CPA6: variants seen among roughly 807,000 people sequenced by gnomAD.
CPA6 encodes carboxypeptidase A6.
A neutral mutation model predicts 63.3 loss-of-function variants in CPA6; 58 were observed. The observed-to-expected ratio is 0.92, with a 90% CI of 0.74 to 1.14. CPA6 has a LOEUF of 1.14. Among genes scored for constraint, CPA6 ranks in the 50% most tolerant of loss-of-function variants. CPA6 has a pLI of 0.00. For missense variants in CPA6, 565 were observed against 526.6 expected (o/e 1.07, Z -0.71); for synonymous variants, 185 against 179.0 (o/e 1.03, Z -0.27).
intron 1 of CPA6, among the ~76,000 whole-genome samples, chr8:67,732,036 C>T (rs1817714976): frequency 6.6e-6 from 1 of 152,046 alleles, no homozygotes; most frequent in African/African-American, 2.4e-5. Context: ...CATTCTAGGC[C>T]AGCCAGGAAA....
intron 2 of CPA6, among the ~76,000 whole-genome samples, chr8:67,608,286 A>G (rs1265956056): frequency 6.6e-6 from 1 of 152,112 alleles, no homozygotes; most frequent in Non-Finnish European, 1.5e-5. Context: ...ATGTCCCCCT[A>G]TCCTGTGTCC....
intron 8 of CPA6, among the ~76,000 whole-genome samples, chr8:67,465,818 T>C (rs866851589): frequency 4.6e-5 from 7 of 152,328 alleles, no homozygotes; most frequent in South Asian, 2.1e-4. Context: ...TTGATGATGA[T>C]GAATTAACTT....
intron 1 of CPA6, among the ~76,000 whole-genome samples, chr8:67,640,498 C>T (rs532917580): frequency 4.6e-5 from 7 of 151,462 alleles, no homozygotes; most frequent in African/African-American, 1.7e-4. Flanking sequence ...CAAGAACTAA[C>T]AGTGGCGAGA....
intron 1 of CPA6, among the ~76,000 whole-genome samples, chr8:67,670,049 T>C (rs1249847011): frequency 1.3e-5 from 2 of 152,212 alleles, no homozygotes; most frequent in South Asian, 4.1e-4. Flanking sequence ...CTATATAGAA[T>C]AGCACTCCTT....
intron 1 of CPA6, among the ~76,000 whole-genome samples, chr8:67,691,854 G>T (rs913184661): frequency 6.6e-6 from 1 of 151,892 alleles, no homozygotes; most frequent in Non-Finnish European, 1.5e-5. Context: ...GCTTGGAAGT[G>T]TTATTTGTTT....
At chr8:67,422,733 G>A in intron 10 of CPA6, 42 bp from the exon 11 acceptor site, 2 of 1,490,950 alleles carry the variant, frequency 1.3e-6, no homozygotes, top group Non-Finnish European at 9.1e-7. Context: ...CCTCACTAAA[G>A]AGTCAGTATA....
At chr8:67,670,500 T>C (rs1272529004) in intron 1 of CPA6, among the ~76,000 whole-genome samples, 2 of 152,176 alleles carry the variant, frequency 1.3e-5, no homozygotes, top group Non-Finnish European at 2.9e-5. Flanking sequence ...GCAGCATGGT[T>C]AGGTAATACT....
intron 8 of CPA6, among the ~76,000 whole-genome samples, chr8:67,468,178 G>A (rs528734754): frequency 1.3e-5 from 2 of 152,232 alleles, no homozygotes; most frequent in African/African-American, 4.8e-5. Flanking sequence ...TGTTAGTTAA[G>A]AACACCTTTG....
intron 2 of CPA6, among the ~76,000 whole-genome samples, chr8:67,587,864 T>C (rs1813988995): frequency 6.6e-6 from 1 of 152,174 alleles, no homozygotes; most frequent in African/African-American, 2.4e-5. Context: ...ACTGAGTTGA[T>C]AATACTAGTG....
At chr8:67,453,655 G>A (rs1810606074) in intron 8 of CPA6, among the ~76,000 whole-genome samples, 1 of 152,238 alleles carries the variant, frequency 6.6e-6, no homozygotes, top group Non-Finnish European at 1.5e-5. Context: ...TAAGAGTGTA[G>A]GGAAAAAAGA....
chr8:67,676,400 C>T (rs998263210), intron 1 of CPA6, among the ~76,000 whole-genome samples: 2 of 152,160 alleles, frequency 1.3e-5, no homozygotes, highest in African/African-American at 4.8e-5. Flanking sequence ...TCTTTAAATC[C>T]CCTTAGTTTT....
chr8:67,739,169 A>T (rs1817867960), intron 1 of CPA6, among the ~76,000 whole-genome samples: 1 of 152,194 alleles, frequency 6.6e-6, no homozygotes, highest in African/African-American at 2.4e-5. Context: ...TGGGCAGAGG[A>T]AGTGCTGACC....
chr8:67,537,107 T>A (rs1040410449), intron 2 of CPA6, among the ~76,000 whole-genome samples: 3 of 152,206 alleles, frequency 2.0e-5, no homozygotes, highest in African/African-American at 7.2e-5. Context: ...CTGTATTTTA[T>A]TGAGGATTTT....
intron 1 of CPA6, among the ~76,000 whole-genome samples, chr8:67,743,936 A>G (rs2623835): frequency 0.68 from 103,831 of 152,136 alleles, 37,096 homozygotes; most frequent in Non-Finnish European, 0.77. Context: ...AAGGAATAAA[A>G]ATGAGGTGGC....
intron 9 of CPA6, among the ~76,000 whole-genome samples, chr8:67,430,822 A>G (rs1211258776): frequency 1.3e-5 from 2 of 151,966 alleles, no homozygotes; most frequent in Admixed American, 6.6e-5. Context: ...ATGTCTCTAG[A>G]CATTGCCAGA....
At chr8:67,584,597 G>A (rs1813875041) in intron 2 of CPA6, among the ~76,000 whole-genome samples, 1 of 152,166 alleles carries the variant, frequency 6.6e-6, no homozygotes, top group Non-Finnish European at 1.5e-5. Context: ...GGTTTGGATT[G>A]ATAAATTATT....
At chr8:67,626,318 A>G (rs1405915203) in intron 1 of CPA6, among the ~76,000 whole-genome samples, 3 of 152,166 alleles carry the variant, frequency 2.0e-5, no homozygotes, top group Non-Finnish European at 1.5e-5. Context: ...ATGATTTTTT[A>G]GGGCTTTTGT....
chr8:67,600,274 A>T (rs1202935210), intron 2 of CPA6, among the ~76,000 whole-genome samples: 1 of 149,080 alleles, frequency 6.7e-6, no homozygotes, highest in Non-Finnish European at 1.5e-5. Context: ...AAAGACAAAT[A>T]CTGCATGCTC....
chr8:67,425,132 T>C (rs1180390216), intron 10 of CPA6, among the ~76,000 whole-genome samples: 1 of 152,222 alleles, frequency 6.6e-6, no homozygotes, highest in African/African-American at 2.4e-5. Context: ...TTATTTTGCC[T>C]CTTTATATCC....
Sources: gnomAD v4.1 joint callset for allele counts (sites outside exome capture counted in the v4.1 genomes callset) on GRCh38, gnomAD v4.1.1 for gene constraint, MANE v1.5 for transcripts, NCBI Gene and HGNC (gene_info 2026-07-23, HGNC 2026-07-21) for gene names.